LMBRD1: variants seen among roughly 807,000 people sequenced by gnomAD.
The protein encoded by LMBRD1 is LMBR1 domain containing 1.
LMBRD1 carries 64 observed loss-of-function variants against 74.8 expected under a neutral mutation model. The observed-to-expected ratio is 0.86, with a 90% CI of 0.70 to 1.05. The LOEUF (loss-of-function observed/expected upper bound fraction) is 1.05, where lower values mean the gene tolerates loss of function less well. Among genes scored for constraint, LMBRD1 ranks in the 50% least tolerant of loss-of-function variants. The pLI is 0.00. For synonymous variants in LMBRD1, 204 were observed against 216.3 expected (o/e 0.94, Z 0.50); for missense variants, 652 against 645.9 (o/e 1.01, Z -0.10).
intron 2 of LMBRD1, among the ~76,000 whole-genome samples, chr6:69,781,552 G>A (rs1209198094): frequency 3.3e-5 from 5 of 151,968 alleles, no homozygotes; most frequent in Admixed American, 6.6e-5. Flanking sequence ...CTCTAGCAAT[G>A]AGTAGCTATA....
chr6:69,681,134 T>G (rs531152773), intron 14 of LMBRD1, among the ~76,000 whole-genome samples: 29 of 151,772 alleles, frequency 1.9e-4, no homozygotes, highest in African/African-American at 6.8e-4. Flanking sequence ...ATGTTAACAA[T>G]GAACACTAAA....
At chr6:69,712,706 A>G (rs1226428256) in intron 9 of LMBRD1, among the ~76,000 whole-genome samples, 1 of 152,162 alleles carries the variant, frequency 6.6e-6, no homozygotes, top group Admixed American at 6.6e-5. Flanking sequence ...TTAGAATAGT[A>G]GTTACCAGGG....
At chr6:69,689,928 G>A (rs1043757764) in intron 14 of LMBRD1, among the ~76,000 whole-genome samples, 1 of 151,936 alleles carries the variant, frequency 6.6e-6, no homozygotes, top group Non-Finnish European at 1.5e-5. Context: ...ATATCCATGG[G>A]GGATTGGTTC....
In LMBRD1 at chr6:69,721,329, T is replaced by A. The variant is rs547804095; in HGVS notation, c.637-2248A>T. On this transcript the variant is annotated intron_variant, in intron 7 of 15. Coordinates refer to ENST00000649934, the MANE Select transcript of LMBRD1 (RefSeq NM_018368.4). ...GCTCACCTCAACAAAGGTGACTCTT[T>A]CCTTTGGCCTGAGGAAAGGAGAGGG... Among the ~76,000 whole-genome samples the A allele has an allele frequency of 3.3e-5, 5 of 152,284 alleles. 1 individual carries two copies. In the South Asian group the frequency reaches 1.0e-3, roughly 32 times the overall value.
intron 9 of LMBRD1, among the ~76,000 whole-genome samples, chr6:69,704,183 AAT>A (rs2149846702): frequency 6.6e-6 from 1 of 152,128 alleles, no homozygotes; most frequent in African/African-American, 2.4e-5. Flanking sequence ...CTCTGTAATT[AAT>A]ATGTTTTGTG....
intron 4 of LMBRD1, among the ~76,000 whole-genome samples, chr6:69,750,254 T>C (rs1003964529): frequency 1.3e-5 from 2 of 151,550 alleles, no homozygotes; most frequent in Non-Finnish European, 3.0e-5. Context: ...ATAATAACTC[T>C]AAGATAGGTT....
At chr6:69,753,291 G>A (rs1192846061) in intron 3 of LMBRD1, among the ~76,000 whole-genome samples, 1 of 152,114 alleles carries the variant, frequency 6.6e-6, no homozygotes, top group Non-Finnish European at 1.5e-5. Context: ...TCATTTGTTT[G>A]TACATATTCA....
chr6:69,690,597 T>TA (rs958855148), intron 14 of LMBRD1, among the ~76,000 whole-genome samples: 12 of 152,042 alleles, frequency 7.9e-5, no homozygotes, highest in African/African-American at 1.7e-4. Context: ...AAATATAAGA[T>TA]AAAAAAACCC....
intron 1 of LMBRD1, among the ~76,000 whole-genome samples, chr6:69,792,589 C>A (rs1442003106): frequency 1.3e-5 from 2 of 152,148 alleles, no homozygotes; most frequent in Non-Finnish European, 2.9e-5. Context: ...AGGATCTAGG[C>A]TCAAATTCTT....
chr6:69,679,013 C>T (rs1765605130), intron 14 of LMBRD1, among the ~76,000 whole-genome samples: 1 of 150,546 alleles, frequency 6.6e-6, no homozygotes, highest in Admixed American at 6.6e-5. Context: ...CAATACCAAA[C>T]TGAACAAACC....
intron 3 of LMBRD1, among the ~76,000 whole-genome samples, chr6:69,753,702 T>C (rs2149878662): frequency 6.6e-6 from 1 of 152,220 alleles, no homozygotes; most frequent in South Asian, 2.1e-4. Flanking sequence ...CACTGATGGA[T>C]GGATAGAGAG....
intron 14 of LMBRD1, among the ~76,000 whole-genome samples, chr6:69,687,158 T>C (rs1399265169): frequency 1.3e-5 from 2 of 152,194 alleles, no homozygotes; most frequent in South Asian, 2.1e-4. Context: ...TCCTCAAGCA[T>C]ACTCCTGCTG....
In LMBRD1 at chr6:69,752,302, A is replaced by G; in HGVS notation, c.362T>C (p.Phe121Ser). 1 of 1,610,426 alleles carries G rather than the reference A, an allele frequency of 6.2e-7. No individual in the cohort carries two copies. Among genetic ancestry groups the G allele is most frequent in the Non-Finnish European group, 8.5e-7 (1 of 1,177,110 alleles). ...ATCATCATCCTTTTCTTCATAATAG[A>G]AGTAGACAAAAGGGATCCAGAAGAA... ...CVFFWIPFVY[F>S]YYEEKDDDDT... Residue 121 changes from phenylalanine to serine, a missense_variant, in exon 4 of 16, where the codon TTC (phenylalanine) becomes TCC (serine). Physicochemically the swap from Phe to Ser is radical, Grantham distance 155 (BLOSUM62 -2). This residue lies in a region of LMBRD1 where 598 missense variants were observed against 581.8 expected (regional missense o/e 1.03). Transcript: ENST00000649934.
chr6:69,707,379 C>A (rs1285046355), intron 9 of LMBRD1, among the ~76,000 whole-genome samples: 2 of 152,128 alleles, frequency 1.3e-5, no homozygotes, highest in African/African-American at 4.8e-5. Context: ...GTTCCTTTGC[C>A]ACTTAATGTC....
Position 69,712,517 on chromosome 6 carries a change from T to A in LMBRD1, c.915+1128A>T, listed in dbSNP as rs1323695815. ...AATAGATAAATTCATAAAGAAAATG[T>A]CACACATACATAATTGGAACATTAT... On this transcript the variant is annotated intron_variant, in intron 9 of 15. Transcript: ENST00000649934. 2.0e-5 allele frequency among the ~76,000 whole-genome samples: 3 copies of A among 151,870 alleles called. No homozygotes were observed. The East Asian group carries it at 5.8e-4, about 29-fold the overall frequency.
chr6:69,758,038 G>A (rs1765303258), intron 3 of LMBRD1, among the ~76,000 whole-genome samples: 1 of 152,096 alleles, frequency 6.6e-6, no homozygotes. Context: ...AAAGGTCATG[G>A]ACAAAAACTG....
At chr6:69,731,128 T>C (rs1766845832) in intron 7 of LMBRD1, among the ~76,000 whole-genome samples, 1 of 151,958 alleles carries the variant, frequency 6.6e-6, no homozygotes, top group Non-Finnish European at 1.5e-5. Flanking sequence ...TGACTACAAC[T>C]AATGACTAAA....
rs1765540221 is a variant in LMBRD1, at chr6:69,676,186, T to C, written c.1595A>G (p.Asp532Gly). The change falls in exon 16 of 16, where the codon GAT (aspartate) becomes GGT (glycine). Residue 532 changes from aspartate to glycine, a missense_variant. Coordinates refer to ENST00000649934, the MANE Select transcript of LMBRD1 (RefSeq NM_018368.4). The part of the protein sequence containing the change: ...EGVDEDSDIS[D>G]DEPSVYSA ...AGCAGAATAGACAGAGGGCTCATCA[T>C]CACTTATGTCTGAATCTTCATCTAC... The C allele has an allele frequency of 1.9e-6, 3 of 1,613,382 alleles. No individual in the cohort carries two copies. The highest frequency in any genetic ancestry group is 2.2e-5 in the East Asian group (1 of 44,780).
chr6:69,687,848 C>T (rs1318096953), intron 14 of LMBRD1, among the ~76,000 whole-genome samples: 3 of 152,086 alleles, frequency 2.0e-5, no homozygotes, highest in Non-Finnish European at 2.9e-5. Context: ...AAAAGGACCA[C>T]GTAGTTTTTT....
Sources: allele counts gnomAD v4.1 joint callset (sites outside exome capture counted in the v4.1 genomes callset), GRCh38; gene constraint gnomAD v4.1.1; regional missense constraint gnomAD v4.1.1; transcripts MANE v1.5; gene names NCBI Gene and HGNC (gene_info 2026-07-23, HGNC 2026-07-21).